Variants in ZNF570 observed in about 807,000 individuals in gnomAD.
ZNF570 encodes zinc finger protein 570.
A neutral mutation model predicts 14.2 loss-of-function variants in ZNF570; 8 were observed. The observed-to-expected ratio is 0.56, with a 90% CI of 0.33 to 1.02. ZNF570 has a LOEUF of 1.02. ZNF570 is among the 50% of genes least tolerant of loss of function. ZNF570 has a pLI of 0.03. For missense variants in ZNF570, 559 were observed against 624.9 expected (o/e 0.89, Z 1.12); for synonymous variants, 202 against 207.6 (o/e 0.97, Z 0.23).
intron 2 of ZNF570, among the ~76,000 whole-genome samples, chr19:37,471,582 G>A (rs1347427054): frequency 6.6e-6 from 1 of 152,052 alleles, no homozygotes; most frequent in African/African-American, 2.4e-5. Flanking sequence ...CTACCAAATT[G>A]TGTACAGCCC....
chr19:37,473,373 G>C (rs887766631), intron 2 of ZNF570, among the ~76,000 whole-genome samples: 4 of 152,118 alleles, frequency 2.6e-5, no homozygotes, highest in African/African-American at 9.7e-5. Flanking sequence ...AGTGAGAGAG[G>C]GGCAGAGAAG....
chr19:37,472,569 C>T (rs140328603), intron 2 of ZNF570, among the ~76,000 whole-genome samples: 91 of 151,866 alleles, frequency 6.0e-4, no homozygotes, highest in African/African-American at 2.0e-3. Context: ...GCAGAAACCC[C>T]GTCTCTACTA....
intron 4 of ZNF570, among the ~76,000 whole-genome samples, chr19:37,482,847 T>TTC (rs148483911): frequency 1.4e-4 from 19 of 138,688 alleles, no homozygotes; most frequent in Non-Finnish European, 2.5e-4. Flanking sequence ...CTCTCTTTCT[T>TTC]TCTCTCTCTC....
At chr19:37,469,317 G>T (rs1381386494), upstream of ZNF570, 10 of 1,413,336 alleles carry the variant, frequency 7.1e-6, no homozygotes, top group Non-Finnish European at 9.2e-6. Context: ...TTGGGCCGGC[G>T]GCCCCTTTGT....
Position 37,487,980 on chromosome 19 carries a change from G to T in ZNF570, c.*2747G>T, listed in dbSNP as rs1010987406. ...CAAAAGCATTAGAGTGCCAATTACT[G>T]GAAAGATGTGGAGCAATAGGAACAC... On this transcript the variant is annotated 3_prime_UTR_variant, in exon 5 of 5. Coordinates refer to ENST00000330173, the MANE Select transcript of ZNF570 (RefSeq NM_144694.5). 6.6e-6 allele frequency: 1 copy of T among 152,172 alleles called. No homozygotes were observed. Among genetic ancestry groups the T allele is most frequent in the African/African-American group, 2.4e-5 (1 of 41,450 alleles). 9.4% of individuals were successfully genotyped at this position (152,172 alleles called of 1,614,324 possible).
At chr19:37,478,493 G>A (rs1032561310) in intron 4 of ZNF570, among the ~76,000 whole-genome samples, 29 of 152,024 alleles carry the variant, frequency 1.9e-4, no homozygotes, top group African/African-American at 5.8e-4. Flanking sequence ...AGATATATTT[G>A]TGAATAATGG....
intron 2 of ZNF570, among the ~76,000 whole-genome samples, chr19:37,470,928 G>C (rs1019416818): frequency 2.7e-5 from 4 of 150,650 alleles, no homozygotes; most frequent in African/African-American, 9.8e-5. Flanking sequence ...TGAAACTCCA[G>C]ACCTCAGGTG....
At chr19:37,480,007 C>G (rs2042068641) in intron 4 of ZNF570, among the ~76,000 whole-genome samples, 1 of 152,116 alleles carries the variant, frequency 6.6e-6, no homozygotes, top group Admixed American at 6.5e-5. Flanking sequence ...TTTCCACTAC[C>G]TCACTTTCTT....
chr19:37,482,817 C>CTT (rs1474029235), intron 4 of ZNF570, among the ~76,000 whole-genome samples: 3 of 99,968 alleles, frequency 3.0e-5, no homozygotes, highest in African/African-American at 1.2e-4. Context: ...CCCCTGCTTT[C>CTT]TCTCTCTCTC....
chr19:37,470,538 G>A (rs530017775), intron 2 of ZNF570, 151 bp downstream of exon 2: 75 of 708,624 alleles, frequency 1.1e-4, no homozygotes, highest in African/African-American at 9.0e-4. Context: ...CAAGATAAAC[G>A]CGTAAGTCCT....
In ZNF570 at chr19:37,484,739, C is replaced by T. The variant is rs1025969012; in HGVS notation, c.1117C>T (p.Leu373Phe). The change falls in exon 5 of 5, where the codon CTT (leucine) becomes TTT (phenylalanine). Residue 373 changes from leucine to phenylalanine, a missense_variant. Physicochemically the swap from Leu to Phe is conservative, Grantham distance 22. Coordinates refer to ENST00000330173, the MANE Select transcript of ZNF570 (RefSeq NM_144694.5). ...CGKAFSLRAYLTVHQRIHTGE... is the reference protein window; with the variant it reads ...CGKAFSLRAYFTVHQRIHTGE... ...GAAAGCATTTAGCCTTCGTGCATACCTTACTGTACATCAGAGAATACATAC... is the reference window on the plus strand; with the variant it reads ...GAAAGCATTTAGCCTTCGTGCATACTTTACTGTACATCAGAGAATACATAC... The T allele has an allele frequency of 1.2e-6, 2 of 1,614,056 alleles. No homozygotes were observed. The highest frequency in any genetic ancestry group is 8.5e-7 in the Non-Finnish European group (1 of 1,180,000).
At chr19:37,476,638 A>G in intron 4 of ZNF570, 1 of 633,188 alleles carries the variant, frequency 1.6e-6, no homozygotes. Flanking sequence ...CCTTTCTAAC[A>G]AGTCCCATCC....
Position 37,476,389 on chromosome 19 carries a change from G to T in ZNF570, c.211G>T (p.Ala71Ser). The T allele has an allele frequency of 6.2e-7, 1 of 1,614,028 alleles. No individual in the cohort carries two copies. Among genetic ancestry groups the T allele is most frequent in the Non-Finnish European group, 8.5e-7 (1 of 1,179,992 alleles). ...SVILLLEQGK[A>S]PWMVKRELTK... ...GATATTATTGTTGGAACAAGGAAAA[G>T]CACCCTGGATGGTGAAGAGAGAGCT... Residue 71 changes from alanine to serine, a missense_variant, in exon 4 of 5, where the codon GCA (alanine) becomes TCA (serine). By Grantham distance (99) the Ala-to-Ser change is moderately conservative. Transcript: ENST00000330173.
rs368986728 is a variant in ZNF570 at position 37,476,480 on chromosome 19, A to T, written c.256+46A>T. 1.0e-4 allele frequency: 166 copies of T among 1,584,392 alleles called. 1 individual carries two copies. In the Middle Eastern group the frequency reaches 1.8e-3, roughly 17 times the overall value. On this transcript the variant is annotated intron_variant, in intron 4 of 4. Coordinates refer to ENST00000330173, the MANE Select transcript of ZNF570 (RefSeq NM_144694.5). ...CAAAAATCTTTGCACGTGACAGCTC[A>T]GCTTGACTCAAAGGTATCACCTCTT... is the stretch of plus-strand genomic sequence containing the variant.
Position 37,477,288 on chromosome 19 carries a change from CGTGTGTGT to C in ZNF570, c.256+891_256+898del, listed in dbSNP as rs71177457. Among the ~76,000 whole-genome samples the C allele has an allele frequency of 2.5e-3, 288 of 115,464 alleles. 2 individuals carry two copies. Among genetic ancestry groups the C allele is most frequent in the Admixed American group, 4.0e-3 (44 of 10,946 alleles). 75.7% of individuals were successfully genotyped at this position (115,464 alleles called of 152,430 possible). On this transcript the variant is annotated intron_variant, in intron 4 of 4. Coordinates refer to ENST00000330173, the MANE Select transcript of ZNF570 (RefSeq NM_144694.5). The stretch of plus-strand genomic sequence containing the variant: ...AGGTGCTCATTGTGGGGGAGGTTGT[CGTGTGTGT>C]GTGTGTGTGTGTGTGTGTGTGTGTG...
intron 4 of ZNF570, among the ~76,000 whole-genome samples, chr19:37,477,321 G>GTGTGTGTGTGTT (rs2042038712): frequency 6.7e-6 from 1 of 149,866 alleles, no homozygotes; most frequent in African/African-American, 2.5e-5. Context: ...GTGTGTGTGT[G>GTGTGTGTGTGTT]TGTGTGTGTG....
intron 4 of ZNF570, among the ~76,000 whole-genome samples, chr19:37,482,821 CTCTCTCTCTCTCTCTCTCTCTTTCTT>C (rs1369725240): frequency 6.6e-6 from 1 of 150,582 alleles, no homozygotes; most frequent in Non-Finnish European, 1.5e-5. Context: ...TGCTTTCTCT[CTCTCTCTCTCTCTCTCTCTCTTTCTT>C]TCTCTCTCTC....
intron 1 of ZNF570, among the ~76,000 whole-genome samples, chr19:37,469,903 C>CTG (rs890874741): frequency 2.6e-5 from 4 of 152,294 alleles, no homozygotes; most frequent in African/African-American, 9.6e-5. Flanking sequence ...GAGTGAGAGA[C>CTG]TGTGTGCCAC....
chr19:37,470,383 A>G lies in ZNF570; in HGVS notation c.29A>G (p.Tyr10Cys), dbSNP rs1479032740. The G allele has an allele frequency of 1.2e-6, 2 of 1,613,912 alleles. No homozygotes were observed. Among genetic ancestry groups the G allele is most frequent in the Non-Finnish European group, 1.7e-6 (2 of 1,179,826 alleles). ...GCTGTTGGGCTTCTTAAAGCCATGT[A>G]CCAGGTGTGTTGGTGTTTTCTCGAT... Reference protein sequence around the residue: MAVGLLKAMYQELVTFRDVA... With the variant: MAVGLLKAMCQELVTFRDVA... Residue 10 changes from tyrosine (Y) to cysteine (C), a missense_variant, in exon 2 of 5, where the codon TAC becomes TGC. Coordinates refer to ENST00000330173, the MANE Select transcript of ZNF570 (RefSeq NM_144694.5).
Sources: allele counts gnomAD v4.1 joint callset (sites outside exome capture counted in the v4.1 genomes callset), GRCh38; gene constraint gnomAD v4.1.1; transcripts MANE v1.5; gene names NCBI Gene and HGNC (gene_info 2026-07-23, HGNC 2026-07-21).